Variants in SEPTIN14 observed in about 807,000 individuals in gnomAD.
SEPTIN14 encodes septin 14.
Under a neutral mutation model 53.6 loss-of-function variants are expected in SEPTIN14, and 40 were observed. The ratio of observed to expected loss-of-function variants is 0.75; its 90% CI spans 0.58 to 0.97. The LOEUF is 0.97. Among genes scored for constraint, SEPTIN14 ranks in the 50% least tolerant of loss-of-function variants. The pLI is 0.00. For synonymous variants in SEPTIN14, 138 were observed against 166.8 expected, an observed-to-expected ratio of 0.83 and a Z score of 1.33; for missense variants, 471 against 508.2, an observed-to-expected ratio of 0.93 and a Z score of 0.70.
intron 6 of SEPTIN14, among the ~76,000 whole-genome samples, chr7:55,825,351 C>A (rs1436615482): frequency 1.3e-5 from 2 of 152,060 alleles, no homozygotes; most frequent in Non-Finnish European, 2.9e-5. Context: ...AAGAGGGAGA[C>A]AAATGAATAG....
At chr7:55,833,280 A>G (rs1032453299) in intron 6 of SEPTIN14, among the ~76,000 whole-genome samples, 2 of 151,994 alleles carry the variant, frequency 1.3e-5, no homozygotes, top group Non-Finnish European at 2.9e-5. Context: ...GCGCCACTGC[A>G]CTCCAGCCTG....
chr7:55,856,475 T>G (rs986440200), intron 2 of SEPTIN14, among the ~76,000 whole-genome samples: 1 of 151,876 alleles, frequency 6.6e-6, no homozygotes, highest in Non-Finnish European at 1.5e-5. Context: ...CACTGCAATC[T>G]CCGCCTCCCA....
At chr7:55,840,490 GAAAA>G (rs912858865) in intron 5 of SEPTIN14, among the ~76,000 whole-genome samples, 1 of 149,528 alleles carries the variant, frequency 6.7e-6, no homozygotes, top group Admixed American at 6.7e-5. Context: ...ACTCCGTCTC[GAAAA>G]AAAAAGACAA....
In SEPTIN14 at chr7:55,807,220, C is replaced by G. The variant is rs917097625; in HGVS notation, c.856G>C (p.Asp286His). 1 of 1,595,014 alleles carries G rather than the reference C, an allele frequency of 6.3e-7. No individual in the cohort carries two copies. The highest frequency in any genetic ancestry group is 8.5e-7 in the Non-Finnish European group (1 of 1,174,486). ...TCCATATTGGTACAAAGAAGCATAT[C>G]TCGGAGCTTAACGAAGTCACAGTGA... The part of the protein sequence containing the change: ...ENHCDFVKLR[D>H]MLLCTNMENL... Residue 286 changes from aspartate to histidine, a missense_variant, in exon 8 of 10, where the codon GAT (aspartate) becomes CAT (histidine). By Grantham distance (81) the Asp-to-His change is moderately conservative. Coordinates refer to ENST00000388975, the MANE Select transcript of SEPTIN14 (RefSeq NM_207366.3).
At chr7:55,801,037 A>T (rs1310799840) in intron 9 of SEPTIN14, among the ~76,000 whole-genome samples, 1 of 152,184 alleles carries the variant, frequency 6.6e-6, no homozygotes, top group African/African-American at 2.4e-5. Flanking sequence ...CAACATATCA[A>T]TAGTTATGGG....
chr7:55,804,611 T>C (rs888607347), intron 9 of SEPTIN14, among the ~76,000 whole-genome samples: 3 of 152,158 alleles, frequency 2.0e-5, no homozygotes, highest in African/African-American at 7.2e-5. Flanking sequence ...ATCTGGCCTA[T>C]AGCACCTAAT....
chr7:55,843,993 A>C (rs1789358828), intron 4 of SEPTIN14, among the ~76,000 whole-genome samples: 1 of 152,132 alleles, frequency 6.6e-6, no homozygotes, highest in African/African-American at 2.4e-5. Flanking sequence ...AAAATTAGCC[A>C]GGCATGGTGG....
chr7:55,827,338 G>T (rs1789006652), intron 6 of SEPTIN14, among the ~76,000 whole-genome samples: 1 of 152,146 alleles, frequency 6.6e-6, no homozygotes. Flanking sequence ...GAGGGAAGAG[G>T]TCCTACCCTG....
At chr7:55,806,945 A>G in intron 8 of SEPTIN14, 145 bp downstream of exon 8, 1 of 553,712 alleles carries the variant, frequency 1.8e-6, no homozygotes, top group Non-Finnish European at 3.0e-6. Flanking sequence ...AAAAGATCAT[A>G]AAAACACCTA....
Position 55,834,549 on chromosome 7 carries a change from A to G in SEPTIN14, c.596T>C (p.Ile199Thr). 1.9e-6 allele frequency: 3 copies of G among 1,610,950 alleles called. No individual in the cohort carries two copies. The highest frequency in any genetic ancestry group is 1.7e-6 in the Non-Finnish European group (2 of 1,177,686). ...IIPLIAKADT[I>T]SKNDLQTFKN... ...AAACGTCTGTAAATCATTTTTAGAA[A>G]TAGTGTCTGCTTTGGCAATCAGTGG... Residue 199 changes from isoleucine (I) to threonine (T), a missense_variant, in exon 6 of 10, where the codon ATT becomes ACT. Transcript: ENST00000388975.
intron 9 of SEPTIN14, 44 bp downstream of exon 9, chr7:55,805,214 C>T: frequency 6.5e-7 from 1 of 1,527,444 alleles, no homozygotes; most frequent in Non-Finnish European, 9.0e-7. Flanking sequence ...ATTAATAGGG[C>T]ACCTAAAAAT....
chr7:55,854,000 C>A (rs1056494925), intron 2 of SEPTIN14, among the ~76,000 whole-genome samples: 2 of 151,822 alleles, frequency 1.3e-5, no homozygotes, highest in African/African-American at 4.8e-5. Context: ...ACATGCTCGT[C>A]GTCCCAGCTA....
chr7:55,806,372 G>A (rs1377346257), intron 8 of SEPTIN14, among the ~76,000 whole-genome samples: 1 of 151,604 alleles, frequency 6.6e-6, no homozygotes, highest in Non-Finnish European at 1.5e-5. Flanking sequence ...CTGCACTACT[G>A]CTTTTCAGCT....
At chr7:55,840,261 G>T (rs1789285883) in intron 5 of SEPTIN14, among the ~76,000 whole-genome samples, 1 of 151,558 alleles carries the variant, frequency 6.6e-6, no homozygotes, top group South Asian at 2.1e-4. Context: ...GGCCGAGGTG[G>T]GTGGATCACC....
intron 6 of SEPTIN14, among the ~76,000 whole-genome samples, chr7:55,825,883 A>G (rs1788975581): frequency 6.6e-6 from 1 of 152,020 alleles, no homozygotes; most frequent in South Asian, 2.1e-4. Context: ...CGGGTGGATC[A>G]CGAGGTCAGG....
At position 55,807,233 on chromosome 7, in the gene SEPTIN14, G is replaced by A. The variant is rs763743031; in HGVS notation, c.843C>T (p.Phe281=). 10 of 1,584,072 alleles carry A rather than the reference G, an allele frequency of 6.3e-6. No individual in the cohort carries two copies. The highest frequency in any genetic ancestry group is 1.7e-4 in the Middle Eastern group (1 of 5,942). ...LQVENENHCD[F]VKLRDMLLCT... ...AAAGAAGCATATCTCGGAGCTTAAC[G>A]AAGTCACAGTGATTTTCATTTTCCA... Residue 281 remains phenylalanine (F), a synonymous_variant, in exon 8 of 10, where the codon TTC becomes TTT. Transcript: ENST00000388975.
chr7:55,811,347 G>T, intron 7 of SEPTIN14: 1 of 505,316 alleles, frequency 2.0e-6, no homozygotes. Flanking sequence ...AAGAAAGGAG[G>T]CGAGCTTCCA....
At chr7:55,861,599 T>G (rs1464198034) in intron 2 of SEPTIN14, among the ~76,000 whole-genome samples, 1 of 152,172 alleles carries the variant, frequency 6.6e-6, no homozygotes, top group African/African-American at 2.4e-5. Context: ...TAAAAAATTA[T>G]TTATTGTCAG....
chr7:55,838,726 T>G (rs747383909), intron 5 of SEPTIN14, among the ~76,000 whole-genome samples: 18 of 151,920 alleles, frequency 1.2e-4, no homozygotes, highest in Non-Finnish European at 1.9e-4. Flanking sequence ...TTTTCTATTT[T>G]TTTGTAGAGA....
Sources: allele counts gnomAD v4.1 joint callset (sites outside exome capture counted in the v4.1 genomes callset), GRCh38; gene constraint gnomAD v4.1.1; transcripts MANE v1.5; gene names NCBI Gene and HGNC (gene_info 2026-07-23, HGNC 2026-07-21).